Variants in HIRA observed in about 807,000 individuals in gnomAD.
HIRA encodes histone cell cycle regulator, also known as protein HIRA.
HIRA carries 13 observed loss-of-function variants against 126.6 expected under a neutral mutation model. The ratio of observed to expected loss-of-function variants is 0.10; its 90% CI spans 0.07 to 0.16. HIRA has a LOEUF of 0.16. HIRA is among the 10% of genes least tolerant of loss of function. The pLI, the probability that HIRA is intolerant of heterozygous loss-of-function variation, is 1.00. For synonymous variants in HIRA, 511 were observed against 520.0 expected, an observed-to-expected ratio of 0.98 and a Z score of 0.24; for missense variants, 834 against 1,314.4, an observed-to-expected ratio of 0.63 and a Z score of 5.65.
chr22:19,395,046 G>A (rs542668436), intron 7 of HIRA, among the ~76,000 whole-genome samples: 33 of 152,214 alleles, frequency 2.2e-4, no homozygotes, highest in Non-Finnish European at 4.3e-4. Flanking sequence ...TACCCGCAAG[G>A]GAGAAGAGGT....
At chr22:19,412,902 T>C (rs1352193913) in intron 1 of HIRA, among the ~76,000 whole-genome samples, 1 of 152,166 alleles carries the variant, frequency 6.6e-6, no homozygotes, top group Non-Finnish European at 1.5e-5. Context: ...CAAACTCCCC[T>C]AGTAAGATGT....
At chr22:19,395,750 T>C (rs1378347626) in intron 7 of HIRA, among the ~76,000 whole-genome samples, 3 of 152,178 alleles carry the variant, frequency 2.0e-5, no homozygotes, top group African/African-American at 7.2e-5. Flanking sequence ...ATGCAACTAA[T>C]GGGAATGCCT....
At chr22:19,391,394 A>G (rs2089179908) in intron 9 of HIRA, among the ~76,000 whole-genome samples, 1 of 152,182 alleles carries the variant, frequency 6.6e-6, no homozygotes. Context: ...TGCTCTAGGC[A>G]GTGATGACAC....
rs1358775831 is a variant in HIRA at position 19,356,778 on chromosome 22, G to A, written c.2396+112C>T. 3.7e-6 allele frequency: 4 copies of A among 1,077,278 alleles called. No individual in the cohort carries two copies. The African/African-American group carries it at 6.3e-5, about 17-fold the overall frequency. The allele number at this position is 1,077,278 out of a possible 1,614,324, so 66.7% of individuals were successfully genotyped here. A position where few individuals can be genotyped will look rare whatever the true frequency, so the allele number is the denominator to read the frequency against. On this transcript the variant is annotated intron_variant, in intron 19 of 24. Transcript: ENST00000263208. ...CTAACTGCTCAGGGCCTCTTCTGGG[G>A]CCTGATGGCCAGCCTTGTCCACTGC... is the stretch of plus-strand genomic sequence containing the variant.
At chr22:19,409,333 G>C (rs2089332827) in intron 2 of HIRA, among the ~76,000 whole-genome samples, 1 of 151,576 alleles carries the variant, frequency 6.6e-6, no homozygotes, top group Non-Finnish European at 1.5e-5. Context: ...TCCCAGGCTG[G>C]AGTGCAGTGG....
At chr22:19,340,564 G>T (rs566773191) in intron 24 of HIRA, among the ~76,000 whole-genome samples, 35 of 152,046 alleles carry the variant, frequency 2.3e-4, no homozygotes, top group Non-Finnish European at 4.9e-4. Context: ...ATATGTAAAG[G>T]GGAAGTCAAA....
intron 14 of HIRA, 131 bp from the exon 15 acceptor site, chr22:19,375,923 GAT>G (rs1339603299): frequency 1.0e-6 from 1 of 953,638 alleles, no homozygotes; most frequent in African/African-American, 1.7e-5. Context: ...AAAATGTCAA[GAT>G]ACAATCTACT....
In HIRA at chr22:19,383,645, G is replaced by A; in HGVS notation, c.1390C>T (p.Leu464Phe). 6.2e-7 allele frequency: 1 copy of A among 1,614,070 alleles called. No homozygotes were observed. The highest frequency in any genetic ancestry group is 8.5e-7 in the Non-Finnish European group (1 of 1,179,884). Residue 464 changes from leucine (L) to phenylalanine (F), a missense_variant, in exon 13 of 25, where the codon CTC (leucine) becomes TTC (phenylalanine). By Grantham distance (22) the Leu-to-Phe change is conservative (BLOSUM62 0). Coordinates refer to ENST00000263208, the MANE Select transcript of HIRA (RefSeq NM_003325.4). ...CCAGTGTCCAGCTGTGCTATGCAGAGAGGCGTGATTCTTCTCCGGCCATCT... is the reference window on the plus strand; with the variant it reads ...CCAGTGTCCAGCTGTGCTATGCAGAAAGGCGTGATTCTTCTCCGGCCATCT... ...TADGRRRITP[L>F]CIAQLDTGDF...
At chr22:19,377,754 CT>C (rs1569300464) in intron 14 of HIRA, 114 bp downstream of exon 14, 5 of 962,994 alleles carry the variant, frequency 5.2e-6, no homozygotes, top group Non-Finnish European at 6.1e-6. Flanking sequence ...TTTTTTCTTT[CT>C]TTTTTGATTG....
At chr22:19,373,575 G>A (rs144372392) in intron 15 of HIRA, among the ~76,000 whole-genome samples, 85 of 152,262 alleles carry the variant, frequency 5.6e-4, no homozygotes, top group African/African-American at 2.0e-3. Flanking sequence ...TTTCGTTTGT[G>A]TTCATTTCTC....
At chr22:19,374,207 G>A (rs935239673) in intron 15 of HIRA, among the ~76,000 whole-genome samples, 8 of 152,046 alleles carry the variant, frequency 5.3e-5, no homozygotes, top group Admixed American at 1.3e-4. Context: ...TGTGGCAGGC[G>A]CCAGTAATCC....
intron 15 of HIRA, among the ~76,000 whole-genome samples, chr22:19,375,050 T>C (rs1267910178): frequency 3.9e-5 from 6 of 152,212 alleles, no homozygotes; most frequent in South Asian, 2.1e-4. Flanking sequence ...CTCAGGAGGA[T>C]GCACTACTGC....
intron 24 of HIRA, among the ~76,000 whole-genome samples, chr22:19,336,959 C>T (rs1601796363): frequency 6.6e-6 from 1 of 152,184 alleles, no homozygotes; most frequent in Non-Finnish European, 1.5e-5. Context: ...AAAAGTAATT[C>T]TGGCAATAAT....
chr22:19,388,246 A>G (rs2089145590), intron 10 of HIRA, among the ~76,000 whole-genome samples: 1 of 152,234 alleles, frequency 6.6e-6, no homozygotes, highest in Admixed American at 6.5e-5. Context: ...CGTCTTAGAC[A>G]AATCCTGAAA....
intron 8 of HIRA, among the ~76,000 whole-genome samples, chr22:19,393,753 GTTTAT>G (rs1180705700): frequency 1.3e-5 from 2 of 152,228 alleles, no homozygotes; most frequent in South Asian, 2.1e-4. Flanking sequence ...CCACCAATCT[GTTTAT>G]TTTATTTGGC....
chr22:19,411,239 G>T (rs1050851038), intron 1 of HIRA, among the ~76,000 whole-genome samples: 2 of 152,222 alleles, frequency 1.3e-5, no homozygotes, highest in African/African-American at 4.8e-5. Context: ...TCTTTTGTTT[G>T]TGCTGTGAAG....
At chr22:19,361,185 A>G in intron 17 of HIRA, 52 bp downstream of exon 17, 1 of 1,325,216 alleles carries the variant, frequency 7.5e-7, no homozygotes, top group South Asian at 1.2e-5. Flanking sequence ...AGTAGGGGAC[A>G]GAGAATGTCT....
At chr22:19,334,607 C>T (rs111235941) in intron 24 of HIRA, among the ~76,000 whole-genome samples, 12,598 of 151,114 alleles carry the variant, frequency 0.083, 1,761 homozygotes, top group African/African-American at 0.29. Context: ...GCCAACATGG[C>T]GAAACCCCAT....
rs1422417604 is a variant in HIRA, at chr22:19,387,770, C to G, written c.1054G>C (p.Val352Leu). Residue 352 changes from valine to leucine, a missense_variant, in exon 11 of 25, where the codon GTG becomes CTG. Val to Leu is a conservative substitution (Grantham distance 32). Around this residue, in one of 5 missense-constraint regions of HIRA, gnomAD observed 153 missense variants for 270.6 expected, o/e 0.57. Transcript: ENST00000263208. ...GILVCSMDGS[V>L]AFLDFSQDEL... The stretch of plus-strand genomic sequence containing the variant: ...TCCTGGGAGAAGTCGAGGAATGCCA[C>G]AGAGCCGTCCATAGAGCATACCAAG... 2 of 1,613,976 alleles carry G rather than the reference C, an allele frequency of 1.2e-6. No individual in the cohort carries two copies.
Sources: gnomAD v4.1 joint callset for allele counts (sites outside exome capture counted in the v4.1 genomes callset) on GRCh38, gnomAD v4.1.1 for gene constraint, gnomAD v4.1.1 regional missense constraint, MANE v1.5 for transcripts, NCBI Gene and HGNC (gene_info 2026-07-23, HGNC 2026-07-21) for gene names.